Variants in ZC2HC1B observed in about 807,000 individuals in gnomAD.
ZC2HC1B encodes the protein zinc finger C2HC domain-containing protein 1B.
ZC2HC1B carries 36 observed loss-of-function variants against 31.0 expected under a neutral mutation model. The ratio of observed to expected loss-of-function variants is 1.16; its 90% CI spans 0.89 to 1.54. The LOEUF (loss-of-function observed/expected upper bound fraction) is 1.54, where lower values mean the gene tolerates loss of function less well. ZC2HC1B is among the 40% of genes most tolerant of loss of function. The probability of loss-of-function intolerance (pLI) is 0.00; values close to 1 mark genes in which losing one functional copy is unlikely to be tolerated. For synonymous variants in ZC2HC1B, 73 were observed against 88.0 expected (o/e 0.83, Z 0.95); for missense variants, 260 against 268.6 (o/e 0.97, Z 0.22).
intron 4 of ZC2HC1B, among the ~76,000 whole-genome samples, chr6:143,894,057 A>G (rs1218101962): frequency 6.6e-6 from 1 of 152,222 alleles, no homozygotes; most frequent in Non-Finnish European, 1.5e-5. Context: ...TGATATTTAT[A>G]CAAAAAATGA....
At chr6:143,879,965 C>G (rs886178712) in intron 1 of ZC2HC1B, among the ~76,000 whole-genome samples, 3 of 151,556 alleles carry the variant, frequency 2.0e-5, no homozygotes, top group Non-Finnish European at 4.4e-5. Flanking sequence ...ACTGGGACCA[C>G]AAGTGCATGC....
Position 143,938,244 on chromosome 6 carries a change from C to A in ZC2HC1B, c.*117C>A, listed in dbSNP as rs1016206427. ...GATGTCTGTTTTTACACCCTTGATTCTTCTTGAAGCATCACTTAGAACAAG... is the reference window on the plus strand; with the variant it reads ...GATGTCTGTTTTTACACCCTTGATTATTCTTGAAGCATCACTTAGAACAAG... On this transcript the variant is annotated 3_prime_UTR_variant, in exon 8 of 8. Coordinates refer to ENST00000237275, the MANE Select transcript of ZC2HC1B (RefSeq NM_001013623.3). This position sits in a 1 kb window ranked among gnomAD's most constrained non-coding sequence, Gnocchi z 4.2. The A allele has an allele frequency of 6.6e-6, 1 of 152,272 alleles. No individual in the cohort carries two copies. 9.4% of individuals were successfully genotyped at this position (152,272 alleles called of 1,614,324 possible).
At chr6:143,867,956 A>T (rs1001069335) in intron 1 of ZC2HC1B, among the ~76,000 whole-genome samples, 8 of 152,142 alleles carry the variant, frequency 5.3e-5, no homozygotes, top group Non-Finnish European at 1.0e-4. Flanking sequence ...GGGGATGTAG[A>T]CTTTTTGGGA....
At chr6:143,881,550 C>CAAAAAAAAAAAA (rs1174647223) in intron 1 of ZC2HC1B, 3 of 34,458 alleles carry the variant, frequency 8.7e-5, no homozygotes, top group African/African-American at 2.7e-4. Flanking sequence ...GACCCTGTCT[C>CAAAAAAAAAAAA]AAAAAAAAAA....
chr6:143,884,223 G>C lies in ZC2HC1B; in HGVS notation c.29-81G>C. The C allele has an allele frequency of 3.1e-6, 4 of 1,288,160 alleles. No homozygotes were observed. Among genetic ancestry groups the C allele is most frequent in the Non-Finnish European group, 4.3e-6 (4 of 934,628 alleles). The allele number at this position is 1,288,160 out of a possible 1,614,324, so 79.8% of individuals were successfully genotyped here. On this transcript the variant is annotated intron_variant, in intron 1 of 7. Coordinates refer to ENST00000237275, the MANE Select transcript of ZC2HC1B (RefSeq NM_001013623.3). The surrounding 1 kb of genome is among the most constrained non-coding windows in gnomAD (Gnocchi z 5.1). ...AAGAGAGTGAGGATATCAAGCTATT[G>C]AGGTCACCTCCAGTCAGTCATTTCT...
intron 4 of ZC2HC1B, among the ~76,000 whole-genome samples, chr6:143,894,903 G>A (rs1023730052): frequency 6.6e-6 from 1 of 152,096 alleles, no homozygotes; most frequent in Admixed American, 6.6e-5. Context: ...AAAATGTGGG[G>A]ATTATTGTTT....
intron 4 of ZC2HC1B, among the ~76,000 whole-genome samples, chr6:143,897,248 T>C (rs1224278816): frequency 6.6e-6 from 1 of 151,390 alleles, no homozygotes; most frequent in Non-Finnish European, 1.5e-5. Flanking sequence ...TTGAGGTTGA[T>C]GCAGTTTCAC....
rs757632869 is a variant in ZC2HC1B, at chr6:143,928,854, A to G, written c.599-8795A>G. 5.2e-5 allele frequency among the ~76,000 whole-genome samples: 7 copies of G among 134,604 alleles called. No individual in the cohort carries two copies. In the Admixed American group the frequency reaches 5.2e-4, roughly 10 times the overall value. 88.3% of individuals were successfully genotyped at this position (134,604 alleles called of 152,430 possible). A position where few individuals can be genotyped will look rare whatever the true frequency, so the allele number is the denominator to read the frequency against. ...TTTTTTTGTTCTTTTTTTTTTAACT[A>G]TTGGAAATGGGATTGACTTTTGATT... On this transcript the variant is annotated intron_variant, in intron 6 of 7. Transcript: ENST00000237275.
intron 6 of ZC2HC1B, among the ~76,000 whole-genome samples, chr6:143,930,610 C>T (rs942853580): frequency 6.6e-6 from 1 of 152,004 alleles, no homozygotes. Context: ...ATCTCCTGAC[C>T]TTGTGATCTG....
chr6:143,904,363 G>T (rs1038575506), intron 6 of ZC2HC1B, among the ~76,000 whole-genome samples: 11 of 151,740 alleles, frequency 7.2e-5, no homozygotes, highest in Middle Eastern at 3.4e-3. Context: ...ATTCTTTTTT[G>T]TGTGTGTTTT....
intron 4 of ZC2HC1B, among the ~76,000 whole-genome samples, chr6:143,888,141 A>G (rs764683801): frequency 1.3e-5 from 2 of 152,108 alleles, no homozygotes; most frequent in Non-Finnish European, 2.9e-5. Context: ...TTATCTCAGC[A>G]CCATTTGTTA....
rs1384802931 is a variant in ZC2HC1B at position 143,865,606 on chromosome 6, T to C, written c.28+1039T>C. On this transcript the variant is annotated intron_variant, in intron 1 of 7. Transcript: ENST00000237275. This position sits in a 1 kb window ranked among gnomAD's most constrained non-coding sequence, Gnocchi z 4.4. ...GGACAAACCCTGAAGGCACAGTGTT[T>C]TATTTATTGCTTTATCCTTAGGTCT... Among the ~76,000 whole-genome samples the C allele has an allele frequency of 1.3e-5, 2 of 152,338 alleles. No homozygotes were observed. Among genetic ancestry groups the C allele is most frequent in the Non-Finnish European group, 2.9e-5 (2 of 68,038 alleles).
chr6:143,911,614 C>G lies in ZC2HC1B; in HGVS notation c.598+8462C>G, dbSNP rs1318854484. On this transcript the variant is annotated intron_variant, in intron 6 of 7. Transcript: ENST00000237275. The surrounding 1 kb of genome is among the most constrained non-coding windows in gnomAD (Gnocchi z 4.5). ...TTTGGCCCCCAGTCTCTTCTACCTT[C>G]TAGGGTTTCCACTGAGAGGTCTACT... 6.6e-6 allele frequency among the ~76,000 whole-genome samples: 1 copy of G among 152,096 alleles called. No homozygotes were observed. Among genetic ancestry groups the G allele is most frequent in the Non-Finnish European group, 1.5e-5 (1 of 67,954 alleles).
chr6:143,916,977 A>G (rs1452824087), intron 6 of ZC2HC1B, among the ~76,000 whole-genome samples: 1 of 152,232 alleles, frequency 6.6e-6, no homozygotes, highest in Non-Finnish European at 1.5e-5. Context: ...ATGTGAAGAC[A>G]TGAGATTTGG....
Position 143,908,410 on chromosome 6 carries a change from A to G in ZC2HC1B, c.598+5258A>G, listed in dbSNP as rs1263055946. 2.0e-5 allele frequency among the ~76,000 whole-genome samples: 3 copies of G among 152,228 alleles called. No individual in the cohort carries two copies. Among genetic ancestry groups the G allele is most frequent in the Non-Finnish European group, 4.4e-5 (3 of 68,042 alleles). ...ATATTGATTCTTCCTATTCATGAGC[A>G]TGGTATATTTTTCCATTTGTTTGTG... On this transcript the variant is annotated intron_variant, in intron 6 of 7. Transcript: ENST00000237275. The surrounding 1 kb of genome is among the most constrained non-coding windows in gnomAD (Gnocchi z 4.4).
chr6:143,920,420 C>T (rs74786282), intron 6 of ZC2HC1B, among the ~76,000 whole-genome samples: 2,945 of 152,116 alleles, frequency 0.019, 101 homozygotes, highest in African/African-American at 0.067. Context: ...GAGAAAAGGT[C>T]CCAAATTAGG....
intron 6 of ZC2HC1B, among the ~76,000 whole-genome samples, chr6:143,916,673 A>T (rs534865676): frequency 6.6e-6 from 1 of 152,344 alleles, no homozygotes; most frequent in South Asian, 2.1e-4. Flanking sequence ...ATATGGAGTC[A>T]AAGGAGATTA....
At chr6:143,866,710 A>C (rs1025615402) in intron 1 of ZC2HC1B, among the ~76,000 whole-genome samples, 2 of 152,200 alleles carry the variant, frequency 1.3e-5, no homozygotes, top group Admixed American at 6.5e-5. Flanking sequence ...TTACTTCTTC[A>C]TGTGGGTTGA....
Position 143,872,253 on chromosome 6 carries a change from A to C in ZC2HC1B, c.28+7686A>C, listed in dbSNP as rs1205184540. Among the ~76,000 whole-genome samples the C allele has an allele frequency of 2.0e-5, 3 of 152,280 alleles. No homozygotes were observed. The highest frequency in any genetic ancestry group is 6.5e-5 in the Admixed American group (1 of 15,298). On this transcript the variant is annotated intron_variant, in intron 1 of 7. Coordinates refer to ENST00000237275, the MANE Select transcript of ZC2HC1B (RefSeq NM_001013623.3). This position sits in a 1 kb window ranked among gnomAD's most constrained non-coding sequence, Gnocchi z 5.5. ...CAAGTCTGGAAATTAAGGGGCCATG[A>C]TTCTCTGTTTTTATAATTCAGATTA...
Sources: allele counts gnomAD v4.1 joint callset (sites outside exome capture counted in the v4.1 genomes callset), GRCh38; gene constraint gnomAD v4.1.1; non-coding constraint Gnocchi (gnomAD v3.1); transcripts MANE v1.5; gene names NCBI Gene and HGNC (gene_info 2026-07-23, HGNC 2026-07-21).